S100A1: variants seen among roughly 807,000 people sequenced by gnomAD.
The protein encoded by S100A1 is S100 calcium binding protein A1, also known as protein S100-A1.
A neutral mutation model predicts 7.6 loss-of-function variants in S100A1; 3 were observed. The observed-to-expected ratio is 0.40, with a 90% CI of 0.18 to 1.02. The LOEUF is 1.02. Among genes scored for constraint, S100A1 ranks in the 50% least tolerant of loss-of-function variants. S100A1 has a pLI of 0.35. For synonymous variants in S100A1, 49 were observed against 49.0 expected (o/e 1.00, Z 0.00); for missense variants, 126 against 115.0 (o/e 1.10, Z -0.44).
chr1:153,628,559 G>A (rs201734030), intron 1 of S100A1, 63 bp downstream of exon 1: 1 of 1,543,448 alleles, frequency 6.5e-7, no homozygotes, highest in African/African-American at 1.4e-5. Context: ...GGGGTCTTCA[G>A]AAGGGCTCCA....
Position 153,630,468 on chromosome 1 carries a change from G to T in S100A1, c.-13-41G>T, listed in dbSNP as rs775178996. ...CCCTCACCTAGACCCCAGGTACTCC[G>T]GGCCTGGTCCTCAGCTCACTTCCAT... On this transcript the variant is annotated intron_variant, in intron 1 of 2. Coordinates refer to ENST00000292169, the MANE Select transcript of S100A1 (RefSeq NM_006271.2). The T allele has an allele frequency of 4.4e-6, 7 of 1,604,406 alleles. No homozygotes were observed. In the Admixed American group the frequency reaches 1.2e-4, roughly 27 times the overall value.
At chr1:153,631,095 A>G (rs1667985511) in intron 2 of S100A1, 1 of 300,142 alleles carries the variant, frequency 3.3e-6, no homozygotes, top group Non-Finnish European at 6.2e-6. Flanking sequence ...AAATGCAGAC[A>G]TTTTAGGAGG....
At position 153,630,502 on chromosome 1, in the gene S100A1, T is replaced by C; in HGVS notation, c.-13-7T>C. On this transcript the variant is annotated splice_region_variant and splice_polypyrimidine_tract_variant and intron_variant, in intron 1 of 2. Coordinates refer to ENST00000292169, the MANE Select transcript of S100A1 (RefSeq NM_006271.2). Reference sequence around the variant, plus strand: ...CCTCAGCTCACTTCCATGATGGGGGTGGGTAGGTGCACTGCTGCAATGGGC... The same window carrying C: ...CCTCAGCTCACTTCCATGATGGGGGCGGGTAGGTGCACTGCTGCAATGGGC... 1 of 1,610,660 alleles carries C rather than the reference T, an allele frequency of 6.2e-7. No individual in the cohort carries two copies. Among genetic ancestry groups the C allele is most frequent in the East Asian group, 2.2e-5 (1 of 44,766 alleles).
chr1:153,628,469 C>T lies in S100A1; in HGVS notation c.-41C>T, dbSNP rs1667808441. 1.3e-6 allele frequency: 2 copies of T among 1,550,754 alleles called. No individual in the cohort carries two copies. Among genetic ancestry groups the T allele is most frequent in the Non-Finnish European group, 1.7e-6 (2 of 1,147,004 alleles). ...GCAACCTTGGCCATCTGTCCAGAAC[C>T]TGCTCCCACCTCAGGCCCAGGCCAA... On this transcript the variant is annotated 5_prime_UTR_variant, in exon 1 of 3. Coordinates refer to ENST00000292169, the MANE Select transcript of S100A1 (RefSeq NM_006271.2).
chr1:153,630,123 A>C, intron 1 of S100A1: 1 of 296,894 alleles, frequency 3.4e-6, no homozygotes, highest in East Asian at 5.6e-5. Flanking sequence ...GGTCCAGGGT[A>C]AAAATAGAGC....
At chr1:153,630,052 T>C in intron 1 of S100A1, 1 of 177,398 alleles carries the variant, frequency 5.6e-6, no homozygotes, top group East Asian at 1.4e-4. Context: ...GAAGGAAGGC[T>C]GTAGTGGACA....
chr1:153,631,522 T>C lies in S100A1; in HGVS notation c.142-176T>C, dbSNP rs755793035. 2.5e-6 allele frequency: 4 copies of C among 1,613,614 alleles called. No individual in the cohort carries two copies. The South Asian group carries it at 4.4e-5, about 18-fold the overall frequency. On this transcript the variant is annotated intron_variant, in intron 2 of 2. Transcript: ENST00000292169. ...TATTCATTCTGCCAGGTGAAAGAGCTTATGCTGTAGGCAACAGAAGCCCTC... is the reference window on the plus strand; with the variant it reads ...TATTCATTCTGCCAGGTGAAAGAGCCTATGCTGTAGGCAACAGAAGCCCTC...
chr1:153,630,515 T>C lies in S100A1; in HGVS notation c.-7T>C. 6.2e-7 allele frequency: 1 copy of C among 1,613,978 alleles called. No individual in the cohort carries two copies. Among genetic ancestry groups the C allele is most frequent in the Non-Finnish European group, 8.5e-7 (1 of 1,179,950 alleles). ...CCATGATGGGGGTGGGTAGGTGCAC[T>C]GCTGCAATGGGCTCTGAGCTGGAGA... On this transcript the variant is annotated 5_prime_UTR_variant, in exon 2 of 3. Coordinates refer to ENST00000292169, the MANE Select transcript of S100A1 (RefSeq NM_006271.2).
At chr1:153,629,417 GT>G (rs1192858072) in intron 1 of S100A1, 5 of 152,226 alleles carry the variant, frequency 3.3e-5, no homozygotes, top group African/African-American at 1.2e-4. Flanking sequence ...AGGGGCCATT[GT>G]CCAGCCCCCT....
chr1:153,628,717 T>A, intron 1 of S100A1: 1 of 784,154 alleles, frequency 1.3e-6, no homozygotes, highest in Non-Finnish European at 1.9e-6. Context: ...AGCTGGCAGC[T>A]CAGCAAAGGA....
intron 1 of S100A1, 35 bp from the exon 2 acceptor site, chr1:153,630,474 G>T (rs760173181): frequency 1.2e-6 from 2 of 1,608,254 alleles, no homozygotes; most frequent in South Asian, 2.2e-5. Context: ...CTCCGGGCCT[G>T]GTCCTCAGCT....
At chr1:153,630,338 T>C (rs1027809273) in intron 1 of S100A1, 171 bp from the exon 2 acceptor site, 13 of 804,526 alleles carry the variant, frequency 1.6e-5, no homozygotes, top group African/African-American at 5.2e-5. Flanking sequence ...CTTAGGTCTC[T>C]TGGGGTTTCC....
chr1:153,631,483 A>C, intron 2 of S100A1: 1 of 1,603,430 alleles, frequency 6.2e-7, no homozygotes, highest in Non-Finnish European at 8.5e-7. Context: ...ACATACGGTA[A>C]CTGGTGTCAT....
rs1466110417 is a variant in S100A1, at chr1:153,631,768, A to G, written c.212A>G (p.Asp71Gly). Residue 71 changes from aspartate to glycine, a missense_variant, in exon 3 of 3, where the codon GAC (aspartate) becomes GGC (glycine). Coordinates refer to ENST00000292169, the MANE Select transcript of S100A1 (RefSeq NM_006271.2). ...GACGAGAATGGAGACGGGGAGGTGG[A>G]CTTCCAGGAGTATGTGGTGCTTGTG... ...ELDENGDGEV[D>G]FQEYVVLVAA... The G allele has an allele frequency of 1.9e-6, 3 of 1,614,042 alleles. No homozygotes were observed. In the Admixed American group the frequency reaches 5.0e-5, roughly 27 times the overall value.
Position 153,630,582 on chromosome 1 carries a change from G to A in S100A1, c.61G>A (p.Gly21Ser), listed in dbSNP as rs1171172101. The change falls in exon 2 of 3, where the codon GGC becomes AGC. Residue 21 changes from glycine (G) to serine (S), a missense_variant. Physicochemically the swap from Gly to Ser is moderately conservative, Grantham distance 56. Transcript: ENST00000292169. The stretch of plus-strand genomic sequence containing the variant: ...CATCAACGTGTTCCACGCCCACTCG[G>A]GCAAAGAGGGGGACAAGTACAAGCT... ...TLINVFHAHS[G>S]KEGDKYKLSK... The A allele has an allele frequency of 6.2e-7, 1 of 1,614,150 alleles. No individual in the cohort carries two copies. Among genetic ancestry groups the A allele is most frequent in the Non-Finnish European group, 8.5e-7 (1 of 1,180,058 alleles).
At chr1:153,630,439 G>A (rs1267223272) in intron 1 of S100A1, 70 bp from the exon 2 acceptor site, 1 of 1,567,632 alleles carries the variant, frequency 6.4e-7, no homozygotes, top group African/African-American at 1.4e-5. Flanking sequence ...AGTCCTGAGG[G>A]TTCCCCTCAC....
chr1:153,630,405 C>T, intron 1 of S100A1, 104 bp from the exon 2 acceptor site: 1 of 1,377,552 alleles, frequency 7.3e-7, no homozygotes, highest in Non-Finnish European at 9.8e-7. Flanking sequence ...AATCCCACAG[C>T]TATTTGAGCT....
chr1:153,628,565 C>A (rs1667814956), intron 1 of S100A1, 69 bp downstream of exon 1: 1 of 1,538,214 alleles, frequency 6.5e-7, no homozygotes, highest in South Asian at 1.2e-5. Flanking sequence ...TTCAGAAGGG[C>A]TCCAAGAGGC....
chr1:153,628,468 C>T lies in S100A1; in HGVS notation c.-42C>T, dbSNP rs1667808271. On this transcript the variant is annotated 5_prime_UTR_variant, in exon 1 of 3. Coordinates refer to ENST00000292169, the MANE Select transcript of S100A1 (RefSeq NM_006271.2). ...TGCAACCTTGGCCATCTGTCCAGAA[C>T]CTGCTCCCACCTCAGGCCCAGGCCA... 6.4e-7 allele frequency: 1 copy of T among 1,550,750 alleles called. No individual in the cohort carries two copies. The highest frequency in any genetic ancestry group is 1.4e-5 in the African/African-American group (1 of 73,176).
Sources: allele counts gnomAD v4.1 joint callset, GRCh38; gene constraint gnomAD v4.1.1; transcripts MANE v1.5; gene names NCBI Gene and HGNC (gene_info 2026-07-23, HGNC 2026-07-21).